The following HDAC9 variants were observed in gnomAD, a reference collection of about 807,000 sequenced individuals.
HDAC9 encodes MEF-2 interacting transcription repressor (MITR) protein.
In HDAC9, 41 loss-of-function variants were observed where a neutral mutation model predicts 139.4. The ratio of observed to expected loss-of-function variants is 0.29; its 90% CI spans 0.23 to 0.38. The LOEUF (loss-of-function observed/expected upper bound fraction) is 0.38, where lower values mean the gene tolerates loss of function less well. HDAC9 is among the 10% of genes least tolerant of loss of function. The pLI is 1.00. For missense variants in HDAC9, 1,147 were observed against 1,297.0 expected (o/e 0.88, Z 1.78); for synonymous variants, 517 against 476.2 (o/e 1.09, Z -1.12).
At chr7:18,657,939 C>A (rs890317777) in intron 11 of HDAC9, among the ~76,000 whole-genome samples, 4 of 152,090 alleles carry the variant, frequency 2.6e-5, no homozygotes, top group African/African-American at 9.7e-5. Flanking sequence ...TAGGCTCCAG[C>A]CACACTGGCC....
chr7:18,856,715 T>C (rs1350944871), intron 21 of HDAC9, among the ~76,000 whole-genome samples: 1 of 152,194 alleles, frequency 6.6e-6, no homozygotes, highest in African/African-American at 2.4e-5. Flanking sequence ...GCATTTATCT[T>C]TGGAAATAGC....
chr7:18,251,559 G>T (rs1417497676), intron 2 of HDAC9, among the ~76,000 whole-genome samples: 1 of 152,114 alleles, frequency 6.6e-6, no homozygotes, highest in Non-Finnish European at 1.5e-5. Flanking sequence ...TTCTAGGGTG[G>T]ACTTTGGAGA....
intron 22 of HDAC9, among the ~76,000 whole-genome samples, chr7:18,909,883 G>A (rs1348631725): frequency 2.0e-5 from 3 of 151,948 alleles, no homozygotes; most frequent in Non-Finnish European, 4.4e-5. Flanking sequence ...TTGAGGTCAG[G>A]TAGTTTGATG....
intron 24 of HDAC9, among the ~76,000 whole-genome samples, chr7:18,956,461 G>T (rs1783155480): frequency 6.6e-6 from 1 of 152,104 alleles, no homozygotes; most frequent in African/African-American, 2.4e-5. Flanking sequence ...AGGGTTGACA[G>T]CAGGTGTGAG....
At chr7:18,244,986 C>A (rs1794424378) in intron 2 of HDAC9, among the ~76,000 whole-genome samples, 1 of 21,874 alleles carries the variant, frequency 4.6e-5, no homozygotes, top group Non-Finnish European at 1.1e-4. Context: ...TCTCTATTAT[C>A]TAATCTGCAT....
intron 22 of HDAC9, among the ~76,000 whole-genome samples, chr7:18,893,741 C>T (rs555767398): frequency 1.5e-4 from 23 of 152,138 alleles, no homozygotes; most frequent in East Asian, 7.7e-4. Context: ...ATAAAATGAA[C>T]GCAGGGAAAG....
At chr7:18,910,792 A>G (rs1802672053) in intron 22 of HDAC9, among the ~76,000 whole-genome samples, 1 of 151,936 alleles carries the variant, frequency 6.6e-6, no homozygotes, top group Non-Finnish European at 1.5e-5. Context: ...CCTTGCATCC[A>G]TGATCACTTG....
At chr7:18,994,027 CAGTG>C (rs1786244147) in intron 25 of HDAC9, among the ~76,000 whole-genome samples, 1 of 152,198 alleles carries the variant, frequency 6.6e-6, no homozygotes, top group Non-Finnish European at 1.5e-5. Context: ...TAATTTTTGG[CAGTG>C]AGTGGGTTGC....
At chr7:18,976,131 T>G (rs916787955) in intron 25 of HDAC9, among the ~76,000 whole-genome samples, 178 bp downstream of exon 25, 2 of 152,240 alleles carry the variant, frequency 1.3e-5, no homozygotes, top group Non-Finnish European at 2.9e-5. Context: ...CATTGCTTCA[T>G]TCTTCATGTG....
chr7:18,242,022 C>G (rs1454253545), intron 2 of HDAC9, among the ~76,000 whole-genome samples: 3 of 152,148 alleles, frequency 2.0e-5, no homozygotes, highest in African/African-American at 7.2e-5. Flanking sequence ...CTCTGAACTG[C>G]TGGTTTCCAA....
intron 24 of HDAC9, among the ~76,000 whole-genome samples, chr7:18,968,535 G>T (rs1333960048): frequency 6.6e-6 from 1 of 152,144 alleles, no homozygotes; most frequent in Non-Finnish European, 1.5e-5. Flanking sequence ...AGGCAATGAA[G>T]AAACAAAATG....
intron 2 of HDAC9, among the ~76,000 whole-genome samples, chr7:18,208,128 C>T (rs182081241): frequency 1.3e-5 from 2 of 152,258 alleles, no homozygotes; most frequent in African/African-American, 4.8e-5. Flanking sequence ...GTAGTACTTT[C>T]GTTTCAAAGA....
At chr7:18,441,701 T>C (rs113726190) in intron 1 of HDAC9, among the ~76,000 whole-genome samples, 2,235 of 152,310 alleles carry the variant, frequency 0.015, 57 homozygotes, top group African/African-American at 0.051. Flanking sequence ...AGAATCCCTC[T>C]CTTCTTCCAC....
At chr7:18,395,983 A>G (rs1786991513) in intron 1 of HDAC9, among the ~76,000 whole-genome samples, 1 of 152,012 alleles carries the variant, frequency 6.6e-6, no homozygotes, top group Admixed American at 6.6e-5. Context: ...TTGAAATTAC[A>G]CTTTTTATTC....
intron 1 of HDAC9, among the ~76,000 whole-genome samples, chr7:18,153,105 AAG>A (rs1786904582): frequency 1.3e-5 from 2 of 152,156 alleles, no homozygotes; most frequent in Admixed American, 1.3e-4. Flanking sequence ...CTCATTAGTG[AAG>A]GTAAGTTCTT....
At chr7:18,994,856 C>T (rs1202834969) in intron 25 of HDAC9, among the ~76,000 whole-genome samples, 1 of 152,054 alleles carries the variant, frequency 6.6e-6, no homozygotes, top group Non-Finnish European at 1.5e-5. Context: ...GAAAGTAATT[C>T]ATTATAGAAT....
chr7:18,606,590 A>C (rs1435226968), intron 6 of HDAC9, among the ~76,000 whole-genome samples: 4 of 152,206 alleles, frequency 2.6e-5, no homozygotes, highest in East Asian at 1.9e-4. Context: ...TACTGTTTTC[A>C]TAACATTAAA....
chr7:18,092,723 A>T, intron 1 of HDAC9, among the ~76,000 whole-genome samples: 1 of 152,128 alleles, frequency 6.6e-6, no homozygotes, highest in East Asian at 1.9e-4. Flanking sequence ...CCTTCTAGGG[A>T]TGGGATTGAA....
chr7:18,309,808 T>A (rs767567894), intron 1 of HDAC9, among the ~76,000 whole-genome samples: 4 of 152,134 alleles, frequency 2.6e-5, no homozygotes, highest in Non-Finnish European at 5.9e-5. Flanking sequence ...AAAGCTCAAA[T>A]TTACCTACTT....
Sources: allele counts gnomAD v4.1 joint callset (sites outside exome capture counted in the v4.1 genomes callset), GRCh38; gene constraint gnomAD v4.1.1; transcripts MANE v1.5; gene names NCBI Gene and HGNC (gene_info 2026-07-23, HGNC 2026-07-21).